The following NRG1 variants were observed in gnomAD, a reference collection of about 807,000 sequenced individuals.
NRG1 encodes pro-neuregulin-1, membrane-bound isoform.
A neutral mutation model predicts 63.8 loss-of-function variants in NRG1; 18 were observed. The ratio of observed to expected loss-of-function variants is 0.28; its 90% confidence interval spans 0.19 to 0.42. NRG1 has a LOEUF of 0.42. NRG1 is among the 10% of genes least tolerant of loss of function. NRG1 has a pLI of 1.00. For missense variants in NRG1, 762 were observed against 814.7 expected (o/e 0.94, Z 0.79); for synonymous variants, 302 against 301.3 (o/e 1.00, Z -0.02).
intron 1 of NRG1, among the ~76,000 whole-genome samples, chr8:32,361,166 T>A (rs28667343): frequency 0.13 from 20,210 of 152,144 alleles, 1,611 homozygotes; most frequent in Middle Eastern, 0.21. Context: ...CTCTTCTCTA[T>A]CATTACCAAG....
At chr8:31,908,605 A>G (rs1832707501) in intron 1 of NRG1, among the ~76,000 whole-genome samples, 1 of 152,212 alleles carries the variant, frequency 6.6e-6, no homozygotes, top group East Asian at 1.9e-4. Context: ...CAGATTTTAA[A>G]TGATTCATTC....
At chr8:32,670,178 T>TTA (rs1415669963) in intron 5 of NRG1, among the ~76,000 whole-genome samples, 2 of 152,224 alleles carry the variant, frequency 1.3e-5, no homozygotes, top group Non-Finnish European at 2.9e-5. Context: ...GCTAAACCTG[T>TTA]TATGCTACAG....
intron 1 of NRG1, among the ~76,000 whole-genome samples, chr8:32,027,401 TTTCCTTCCTTCCCTCCTTCC>T (rs1817553702): frequency 6.7e-6 from 1 of 148,874 alleles, no homozygotes; most frequent in Non-Finnish European, 1.5e-5. Flanking sequence ...TTTTTATAAA[TTTCCTTCCTTCCCTCCTTCC>T]TTCCTTCCTT....
chr8:31,716,722 C>G (rs992217105), intron 1 of NRG1, among the ~76,000 whole-genome samples: 11 of 152,142 alleles, frequency 7.2e-5, no homozygotes, highest in Non-Finnish European at 1.3e-4. Context: ...ATTTAGAAGA[C>G]TACTGTCTAA....
chr8:32,005,321 T>C (rs577409019), intron 1 of NRG1, among the ~76,000 whole-genome samples: 3 of 152,042 alleles, frequency 2.0e-5, no homozygotes, highest in African/African-American at 7.2e-5. Context: ...TGAAGTTATA[T>C]ATTGAGAGCC....
chr8:32,416,310 C>G (rs1432909348), intron 1 of NRG1, among the ~76,000 whole-genome samples: 1 of 140,350 alleles, frequency 7.1e-6, no homozygotes, highest in African/African-American at 2.6e-5. Context: ...TTCCTCCCTC[C>G]CTCCCTCCCT....
intron 1 of NRG1, among the ~76,000 whole-genome samples, chr8:32,180,718 A>C (rs890406304): frequency 6.6e-6 from 1 of 152,192 alleles, no homozygotes; most frequent in Non-Finnish European, 1.5e-5. Flanking sequence ...AATCAAAGTA[A>C]TTAACATATG....
intron 5 of NRG1, among the ~76,000 whole-genome samples, chr8:32,712,993 T>C (rs1019095463): frequency 2.0e-5 from 3 of 152,206 alleles, no homozygotes; most frequent in South Asian, 2.1e-4. Context: ...CTTTGTTACG[T>C]TGAGCCTGAA....
chr8:32,202,687 T>C (rs759804384), intron 1 of NRG1, among the ~76,000 whole-genome samples: 8 of 151,714 alleles, frequency 5.3e-5, no homozygotes, highest in Non-Finnish European at 1.2e-4. Context: ...AGTGGGAAGA[T>C]GATCTTCCCC....
At chr8:32,638,886 TA>T (rs1339278085) in intron 5 of NRG1, among the ~76,000 whole-genome samples, 1 of 152,228 alleles carries the variant, frequency 6.6e-6, no homozygotes, top group Non-Finnish European at 1.5e-5. Flanking sequence ...ATGAGCATCA[TA>T]AAGGTTATGA....
chr8:31,878,242 A>C (rs1830075780), intron 1 of NRG1, among the ~76,000 whole-genome samples: 1 of 152,140 alleles, frequency 6.6e-6, no homozygotes, highest in African/African-American at 2.4e-5. Flanking sequence ...AAATTCTTAT[A>C]ATTTTATTCT....
chr8:32,704,634 A>G lies in NRG1; in HGVS notation c.503-23315A>G, dbSNP rs566500972. On this transcript the variant is annotated intron_variant, in intron 5 of 11. Coordinates refer to ENST00000356819, the Ensembl canonical transcript of NRG1. ...TCAAGAATTTTATGATTTGAGAAAAATACTTAAGTGTTGCCTGCACTTCTG... is the reference window on the plus strand; with the variant it reads ...TCAAGAATTTTATGATTTGAGAAAAGTACTTAAGTGTTGCCTGCACTTCTG... Among the ~76,000 whole-genome samples, 23 of 152,356 alleles carry G rather than the reference A, an allele frequency of 1.5e-4. No individual in the cohort carries two copies. In the South Asian group the frequency reaches 4.1e-3, roughly 27 times the overall value.
At chr8:32,351,765 C>T (rs1466778119) in intron 1 of NRG1, among the ~76,000 whole-genome samples, 5 of 152,230 alleles carry the variant, frequency 3.3e-5, no homozygotes, top group Non-Finnish European at 7.3e-5. Flanking sequence ...CTCATATCCA[C>T]TTCTACCATG....
chr8:32,420,745 T>C (rs1025953708), intron 1 of NRG1, among the ~76,000 whole-genome samples: 1 of 152,182 alleles, frequency 6.6e-6, no homozygotes, highest in East Asian at 1.9e-4. Flanking sequence ...CATTATACTA[T>C]CAGATACTTT....
intron 1 of NRG1, among the ~76,000 whole-genome samples, chr8:31,996,069 G>T (rs1811921170): frequency 6.6e-6 from 1 of 151,420 alleles, no homozygotes; most frequent in South Asian, 2.1e-4. Flanking sequence ...CATCAAGTAT[G>T]CAGTCCTTTC....
chr8:31,903,842 C>A (rs1215349301), intron 1 of NRG1, among the ~76,000 whole-genome samples: 2 of 152,004 alleles, frequency 1.3e-5, no homozygotes, highest in Non-Finnish European at 2.9e-5. Flanking sequence ...GTAATCCCAG[C>A]TACTTGGGAG....
intron 1 of NRG1, among the ~76,000 whole-genome samples, chr8:32,175,155 T>A (rs1308861891): frequency 1.3e-5 from 2 of 152,200 alleles, no homozygotes; most frequent in East Asian, 3.9e-4. Flanking sequence ...GCTTCATCCC[T>A]GGGATGCCAG....
intron 1 of NRG1, among the ~76,000 whole-genome samples, chr8:31,705,105 G>C (rs1180129004): frequency 6.6e-6 from 1 of 151,936 alleles, no homozygotes; most frequent in Non-Finnish European, 1.5e-5. Context: ...GCGCGATCTC[G>C]GCTGACTGCA....
At chr8:32,382,573 G>A (rs573405061) in intron 1 of NRG1, among the ~76,000 whole-genome samples, 1 of 152,262 alleles carries the variant, frequency 6.6e-6, no homozygotes, top group African/African-American at 2.4e-5. Context: ...ATCCACTTGG[G>A]TAAGTGTGTC....
Sources: gnomAD v4.1 joint callset for allele counts (sites outside exome capture counted in the v4.1 genomes callset) on GRCh38, gnomAD v4.1.1 for gene constraint, MANE v1.5 for transcripts, NCBI Gene and HGNC (gene_info 2026-07-23, HGNC 2026-07-21) for gene names.